MPPED1: variants seen among roughly 807,000 people sequenced by gnomAD.
The protein encoded by MPPED1 is metallophosphoesterase domain-containing protein 1.
A neutral mutation model predicts 36.2 loss-of-function variants in MPPED1; 16 were observed. The ratio of observed to expected loss-of-function variants is 0.44; its 90% CI spans 0.30 to 0.67. The LOEUF (loss-of-function observed/expected upper bound fraction) is 0.67. Among genes scored for constraint, MPPED1 ranks in the 30% least tolerant of loss-of-function variants. The pLI is 0.10. For missense variants in MPPED1, 307 were observed against 453.4 expected (o/e 0.68, Z 2.93); for synonymous variants, 199 against 191.3 (o/e 1.04, Z -0.33).
At position 43,451,160 on chromosome 22, in the gene MPPED1, C is replaced by T. The variant is rs540493964; in HGVS notation, c.406+15945C>T. Among the ~76,000 whole-genome samples, 7 of 152,146 alleles carry T rather than the reference C, an allele frequency of 4.6e-5. No individual in the cohort carries two copies. The South Asian group carries it at 1.5e-3, about 32-fold the overall frequency. ...TAGCTGGGACTACAGGCGTGCGCCA[C>T]CACACCCAGTTAATTTTTGTATTTT... is the stretch of plus-strand genomic sequence containing the variant. On this transcript the variant is annotated intron_variant, in intron 3 of 6. Transcript: ENST00000443721.
intron 4 of MPPED1, among the ~76,000 whole-genome samples, chr22:43,484,483 C>A: frequency 6.6e-6 from 1 of 152,156 alleles, no homozygotes; most frequent in East Asian, 1.9e-4. Context: ...CAGCCTCTGG[C>A]AGTCCCTGCT....
At chr22:43,459,214 A>G (rs967458000) in intron 3 of MPPED1, among the ~76,000 whole-genome samples, 5 of 152,270 alleles carry the variant, frequency 3.3e-5, no homozygotes, top group Admixed American at 6.5e-5. Flanking sequence ...AGCTGGGACT[A>G]TAGGTGCACC....
intron 3 of MPPED1, among the ~76,000 whole-genome samples, chr22:43,465,587 G>A (rs1015745135): frequency 2.6e-5 from 4 of 152,210 alleles, no homozygotes; most frequent in Middle Eastern, 3.2e-3. Flanking sequence ...ACCCGCGGTT[G>A]GTTTGGTTGT....
intron 4 of MPPED1, among the ~76,000 whole-genome samples, chr22:43,480,826 CTTTT>C (rs538718282): frequency 7.3e-6 from 1 of 137,888 alleles, no homozygotes. Context: ...CTTTTCTTTT[CTTTT>C]TTTTTTTTTT....
chr22:43,481,172 C>G lies in MPPED1; in HGVS notation c.632+6211C>G, dbSNP rs535596290. Among the ~76,000 whole-genome samples the G allele has an allele frequency of 1.0e-3, 156 of 152,314 alleles. No individual in the cohort carries two copies. The Middle Eastern group carries it at 0.027, about 27-fold the overall frequency. On this transcript the variant is annotated intron_variant, in intron 4 of 6. Coordinates refer to ENST00000443721, the MANE Select transcript of MPPED1 (RefSeq NM_001044370.2). ...CTTTTGCTGTTTTGCCTCTTATGTT[C>G]AGGTGTTGGATCCACTGGAAATGAT...
chr22:43,452,802 T>A (rs1601971300), intron 3 of MPPED1, among the ~76,000 whole-genome samples: 1 of 150,710 alleles, frequency 6.6e-6, no homozygotes, highest in East Asian at 2.0e-4. Flanking sequence ...CTACTTTTTT[T>A]ATTTTTTGTA....
intron 6 of MPPED1, among the ~76,000 whole-genome samples, chr22:43,504,154 G>C (rs115252563): frequency 0.016 from 2,501 of 152,224 alleles, 73 homozygotes; most frequent in African/African-American, 0.057. Flanking sequence ...CAATGATGAT[G>C]ATGATGATAC....
In MPPED1 at chr22:43,458,840, G is replaced by A. The variant is rs1257003477; in HGVS notation, c.407-15896G>A. On this transcript the variant is annotated intron_variant, in intron 3 of 6. Transcript: ENST00000443721. ...TCGACAGTCCTTCTTCCTAGCGTTT[G>A]TATATCCCACTGCCTTCTGGTTATT... Among the ~76,000 whole-genome samples, 37 of 152,172 alleles carry A rather than the reference G, an allele frequency of 2.4e-4. 1 individual carries two copies. Among genetic ancestry groups the A allele is most frequent in the Admixed American group, 2.4e-3 (37 of 15,276 alleles).
At position 43,505,714 on chromosome 22, in the gene MPPED1, T is replaced by G; in HGVS notation, c.*98T>G. The G allele has an allele frequency of 9.2e-7, 1 of 1,089,522 alleles. No individual in the cohort carries two copies. The highest frequency in any genetic ancestry group is 1.3e-6 in the Non-Finnish European group (1 of 743,302). The allele number at this position is 1,089,522 out of a possible 1,614,324, so 67.5% of individuals were successfully genotyped here. ...TGCTGAGTTGCCTGGACGACCCATC[T>G]GGCTGCGGGGACTGGCCTAGCAGGC... On this transcript the variant is annotated 3_prime_UTR_variant, in exon 7 of 7. Transcript: ENST00000443721.
chr22:43,460,092 A>G (rs1930894395), intron 3 of MPPED1, among the ~76,000 whole-genome samples: 1 of 152,104 alleles, frequency 6.6e-6, no homozygotes, highest in African/African-American at 2.4e-5. Context: ...CTGTAGTCCC[A>G]GCTACTCAGG....
chr22:43,470,250 A>G (rs1274551910), intron 3 of MPPED1, among the ~76,000 whole-genome samples: 2 of 149,406 alleles, frequency 1.3e-5, no homozygotes, highest in Non-Finnish European at 3.0e-5. Context: ...CCGTCTACAA[A>G]GCATCCATTC....
intron 4 of MPPED1, among the ~76,000 whole-genome samples, chr22:43,489,954 T>A (rs1006389473): frequency 6.6e-6 from 1 of 152,048 alleles, no homozygotes; most frequent in African/African-American, 2.4e-5. Context: ...CCTCCTTTCC[T>A]CCCCTGCGTC....
chr22:43,455,886 T>A (rs1289118175), intron 3 of MPPED1, among the ~76,000 whole-genome samples: 1 of 152,252 alleles, frequency 6.6e-6, no homozygotes, highest in Non-Finnish European at 1.5e-5. Flanking sequence ...GCTTCTTGGT[T>A]TAAGATAACA....
intron 3 of MPPED1, among the ~76,000 whole-genome samples, chr22:43,470,451 C>T (rs1474023253): frequency 1.3e-5 from 2 of 152,224 alleles, no homozygotes; most frequent in East Asian, 3.8e-4. Context: ...ATAAACCATC[C>T]ATCCATGTAC....
Position 43,459,982 on chromosome 22 carries a change from G to A in MPPED1, c.407-14754G>A, listed in dbSNP as rs112009496. Among the ~76,000 whole-genome samples, 38 of 152,260 alleles carry A rather than the reference G, an allele frequency of 2.5e-4. 1 individual carries two copies. Among genetic ancestry groups the A allele is most frequent in the Admixed American group, 3.9e-4 (6 of 15,294 alleles). ...CCAGCACTTTGGGAGGCCAAGGCGA[G>A]TGGATCACGAGGTCAAGAGATCGAG... On this transcript the variant is annotated intron_variant, in intron 3 of 6. Transcript: ENST00000443721.
At chr22:43,459,996 C>A (rs1015338465) in intron 3 of MPPED1, among the ~76,000 whole-genome samples, 1 of 151,802 alleles carries the variant, frequency 6.6e-6, no homozygotes, top group Non-Finnish European at 1.5e-5. Context: ...ATCACGAGGT[C>A]AAGAGATCGA....
chr22:43,484,520 C>A (rs1452863746), intron 4 of MPPED1, among the ~76,000 whole-genome samples: 1 of 152,222 alleles, frequency 6.6e-6, no homozygotes, highest in Non-Finnish European at 1.5e-5. Context: ...GATCCCTGTC[C>A]CCTTCTGTGA....
intron 2 of MPPED1, among the ~76,000 whole-genome samples, chr22:43,434,345 G>A (rs769257766): frequency 2.4e-4 from 37 of 152,114 alleles, no homozygotes; most frequent in Non-Finnish European, 3.8e-4. Flanking sequence ...CTTTCCTTTA[G>A]GGTCTTTATT....
chr22:43,425,232 G>T, intron 2 of MPPED1, 23 bp downstream of exon 2: 2 of 1,572,476 alleles, frequency 1.3e-6, no homozygotes, highest in Non-Finnish European at 1.7e-6. Context: ...GGTGGGGTGG[G>T]GGTGGGGGCG....
Sources: allele counts gnomAD v4.1 joint callset (sites outside exome capture counted in the v4.1 genomes callset), GRCh38; gene constraint gnomAD v4.1.1; transcripts MANE v1.5; gene names NCBI Gene and HGNC (gene_info 2026-07-23, HGNC 2026-07-21).